ATP6V1B2: variants seen among roughly 807,000 people sequenced by gnomAD.
ATP6V1B2 encodes the protein ATPase H+ transporting V1 subunit B2.
A neutral mutation model predicts 66.7 loss-of-function variants in ATP6V1B2; 23 were observed. The observed-to-expected ratio is 0.34, with a 90% CI of 0.25 to 0.49. ATP6V1B2 has a LOEUF of 0.49. ATP6V1B2 is among the 20% of genes least tolerant of loss of function. ATP6V1B2 has a pLI of 0.99. For synonymous variants in ATP6V1B2, 278 were observed against 236.7 expected (o/e 1.17, Z -1.60); for missense variants, 478 against 650.8 (o/e 0.73, Z 2.89).
At chr8:20,217,056 A>G (rs950977942) in intron 11 of ATP6V1B2, 164 bp from the exon 12 acceptor site, 6 of 614,014 alleles carry the variant, frequency 9.8e-6, no homozygotes, top group Admixed American at 8.6e-5. Flanking sequence ...GTTTCTTACT[A>G]CCTTTTCTTG....
Position 20,197,402 on chromosome 8 carries a change from A to G in ATP6V1B2, c.-5A>G, listed in dbSNP as rs774847618. 6 of 1,534,818 alleles carry G rather than the reference A, an allele frequency of 3.9e-6. No homozygotes were observed. The Admixed American group carries it at 8.0e-5, about 20-fold the overall frequency. ...TGCTGGGCCAGTCGGGACAGAGGAG[A>G]CAAGATGGCGCTGCGGGCGATGCGG... On this transcript the variant is annotated 5_prime_UTR_variant, in exon 1 of 14. Transcript: ENST00000276390.
chr8:20,203,435 G>C (rs532395953), intron 1 of ATP6V1B2, among the ~76,000 whole-genome samples: 7 of 152,270 alleles, frequency 4.6e-5, no homozygotes, highest in African/African-American at 1.7e-4. Context: ...GTTAGTAAAT[G>C]GTTTCCTCAT....
At chr8:20,203,307 G>A (rs1585245942) in intron 1 of ATP6V1B2, among the ~76,000 whole-genome samples, 2 of 152,228 alleles carry the variant, frequency 1.3e-5, no homozygotes, top group East Asian at 3.8e-4. Context: ...AGGAAAGATG[G>A]AAGCCCTGAC....
chr8:20,197,461 G>T lies in ATP6V1B2; in HGVS notation c.55G>T (p.Val19Leu). The change falls in exon 1 of 14, where the codon GTG (valine) becomes TTG (leucine). Residue 19 changes from valine to leucine, a missense_variant. By Grantham distance (32) the Val-to-Leu change is conservative. Coordinates refer to ENST00000276390, the MANE Select transcript of ATP6V1B2 (RefSeq NM_001693.4). ...IVNGAAPELP[V>L]PTGGPAVGAR... ...CAACGGGGCCGCACCCGAGCTACCC[G>T]TGCCCACCGGTGGGCCGGCGGTGGG... is the stretch of plus-strand genomic sequence containing the variant. 2.6e-6 allele frequency: 4 copies of T among 1,528,546 alleles called. No homozygotes were observed. The highest frequency in any genetic ancestry group is 3.5e-6 in the Non-Finnish European group (4 of 1,139,302). The allele number at this position is 1,528,546 out of a possible 1,614,324, so 94.7% of individuals were successfully genotyped here.
At chr8:20,220,211 C>G in intron 13 of ATP6V1B2, 52 bp from the exon 14 acceptor site, 5 of 1,580,240 alleles carry the variant, frequency 3.2e-6, no homozygotes, top group Non-Finnish European at 4.3e-6. Flanking sequence ...CTGGATAACA[C>G]TGCTAAGTTG....
At chr8:20,198,494 A>G (rs746141315) in intron 1 of ATP6V1B2, among the ~76,000 whole-genome samples, 13 of 152,234 alleles carry the variant, frequency 8.5e-5, no homozygotes, top group Non-Finnish European at 1.2e-4. Context: ...TTACTAGAGA[A>G]TGCAGTTGTG....
At chr8:20,205,900 A>G (rs938834820) in intron 2 of ATP6V1B2, among the ~76,000 whole-genome samples, 4 of 152,264 alleles carry the variant, frequency 2.6e-5, no homozygotes, top group Non-Finnish European at 5.9e-5. Flanking sequence ...AATATCAGCA[A>G]AAGTAGATAA....
chr8:20,198,126 T>G (rs1473338012), intron 1 of ATP6V1B2, among the ~76,000 whole-genome samples: 1 of 152,224 alleles, frequency 6.6e-6, no homozygotes, highest in African/African-American at 2.4e-5. Context: ...ACGCTAGAGC[T>G]GAAAAGTACC....
Position 20,209,442 on chromosome 8 carries a change from T to C in ATP6V1B2, c.202T>C (p.Tyr68His), listed in dbSNP as rs2128885541. 6.2e-7 allele frequency: 1 copy of C among 1,613,906 alleles called. No homozygotes were observed. Among genetic ancestry groups the C allele is most frequent in the Non-Finnish European group, 8.5e-7 (1 of 1,179,904 alleles). ...ATTTTTTTCTCTTTAGTTTCCCAGG[T>C]ATGCTGAAATTGTCCATTTGACCTT... is the stretch of plus-strand genomic sequence containing the variant. ...VILDHVKFPR[Y>H]AEIVHLTLPD... The change falls in exon 3 of 14, where the codon TAT becomes CAT. Residue 68 changes from tyrosine to histidine, a missense_variant. By Grantham distance (83) the Tyr-to-His change is moderately conservative. Transcript: ENST00000276390.
chr8:20,209,512 G>C lies in ATP6V1B2; in HGVS notation c.272G>C (p.Gly91Ala), dbSNP rs749178277. The C allele has an allele frequency of 6.2e-7, 1 of 1,613,970 alleles. No homozygotes were observed. Among genetic ancestry groups the C allele is most frequent in the South Asian group, 1.1e-5 (1 of 91,084 alleles). ...KRSGQVLEVS[G>A]SKAVVQVFEG... ...AGTGGGCAAGTTCTGGAAGTTAGTG[G>C]TTCCAAGGCAGTAGTTCAGGTAAGT... Residue 91 changes from glycine to alanine, a missense_variant, in exon 3 of 14, where the codon GGT becomes GCT. By Grantham distance (60) the Gly-to-Ala change is moderately conservative. Around this residue, in one of 2 missense-constraint regions of ATP6V1B2, gnomAD observed 326 missense variants for 545.6 expected, o/e 0.60. Transcript: ENST00000276390.
chr8:20,211,954 C>A, intron 7 of ATP6V1B2, 148 bp from the exon 8 acceptor site: 1 of 835,926 alleles, frequency 1.2e-6, no homozygotes, highest in Non-Finnish European at 1.8e-6. Context: ...CCCAAACCGG[C>A]TCTTTGTTCT....
At chr8:20,209,204 A>G (rs1310383993) in intron 2 of ATP6V1B2, among the ~76,000 whole-genome samples, 1 of 152,192 alleles carries the variant, frequency 6.6e-6, no homozygotes, top group African/African-American at 2.4e-5. Context: ...TCATGGATTT[A>G]AGACCCTTCT....
Position 20,212,900 on chromosome 8 carries a change from C to T in ATP6V1B2, c.922C>T (p.Arg308Ter), listed in dbSNP as rs777139485. Reference sequence around the variant, plus strand: ...CATGAGTTCTTATGCTGAAGCACTTCGAGAGGTAAGTTGTTCATGTTTTTC... The same window carrying T: ...CATGAGTTCTTATGCTGAAGCACTTTGAGAGGTAAGTTGTTCATGTTTTTC... The part of the protein sequence containing the change: ...TDMSSYAEAL[R>*]EVSAAREEVP... Residue 308 changes from arginine (R) to a stop codon, truncating the protein, a stop_gained, in exon 9 of 14, where the codon CGA becomes TGA. Transcript: ENST00000276390. LOFTEE classifies it high-confidence loss of function. 1 of 1,613,376 alleles carries T rather than the reference C, an allele frequency of 6.2e-7. No homozygotes were observed. Among genetic ancestry groups the T allele is most frequent in the Non-Finnish European group, 8.5e-7 (1 of 1,179,616 alleles).
intron 1 of ATP6V1B2, among the ~76,000 whole-genome samples, chr8:20,202,037 C>T (rs1442412555): frequency 6.6e-6 from 1 of 152,206 alleles, no homozygotes; most frequent in Non-Finnish European, 1.5e-5. Flanking sequence ...GCAGAGCCCT[C>T]ATGACCCATT....
chr8:20,208,615 G>C (rs2072761505), intron 2 of ATP6V1B2, among the ~76,000 whole-genome samples: 1 of 151,982 alleles, frequency 6.6e-6, no homozygotes, highest in Non-Finnish European at 1.5e-5. Context: ...AGTAAAAATG[G>C]ATTAGAGGAA....
chr8:20,207,904 A>G (rs932665941), intron 2 of ATP6V1B2, among the ~76,000 whole-genome samples: 2 of 152,264 alleles, frequency 1.3e-5, no homozygotes, highest in Non-Finnish European at 2.9e-5. Flanking sequence ...AGCAATTCAT[A>G]GGAAATGAAG....
At chr8:20,211,496 CTT>C in intron 6 of ATP6V1B2, 154 bp from the exon 7 acceptor site, 1 of 1,272,200 alleles carries the variant, frequency 7.9e-7, no homozygotes, top group Non-Finnish European at 1.1e-6. Context: ...CCTTGCATAT[CTT>C]TGCAAAAAGT....
intron 5 of ATP6V1B2, among the ~76,000 whole-genome samples, 174 bp from the exon 6 acceptor site, chr8:20,211,003 T>C (rs1471271381): frequency 6.6e-6 from 1 of 152,068 alleles, no homozygotes; most frequent in African/African-American, 2.4e-5. Context: ...AAGGAAAAAA[T>C]TATTTCAAGT....
chr8:20,204,663 C>G, intron 2 of ATP6V1B2, 124 bp downstream of exon 2: 1 of 764,200 alleles, frequency 1.3e-6, no homozygotes, highest in Non-Finnish European at 2.0e-6. Context: ...GTCAGTCAGT[C>G]TAAAGCCCAG....
Sources: allele counts gnomAD v4.1 joint callset (sites outside exome capture counted in the v4.1 genomes callset), GRCh38; gene constraint gnomAD v4.1.1; regional missense constraint gnomAD v4.1.1; transcripts MANE v1.5; gene names NCBI Gene and HGNC (gene_info 2026-07-23, HGNC 2026-07-21).